ENTREP2: variants seen among roughly 807,000 people sequenced by gnomAD.
The protein encoded by ENTREP2 is protein ENTREP2.
At chr15:29,206,878 C>T in the ENTREP2 span, among the ~76,000 whole-genome samples, 16 of 152,232 alleles carry the variant, frequency 1.1e-4, no homozygotes, top group South Asian at 2.3e-3. Context: ...GGTTTTAATC[C>T]CTTCCGTGTT....
the ENTREP2 span, among the ~76,000 whole-genome samples, chr15:29,215,321 A>G: frequency 5.1e-4 from 78 of 152,216 alleles, 2 homozygotes; most frequent in East Asian, 0.013. Flanking sequence ...CCCACCCTCA[A>G]CCTGGGTGGG....
chr15:29,577,621 T>C, the ENTREP2 span, among the ~76,000 whole-genome samples: 1 of 152,194 alleles, frequency 6.6e-6, no homozygotes, highest in African/African-American at 2.4e-5. Context: ...CCTGAAGTGC[T>C]GGGATTACAG....
the ENTREP2 span, chr15:29,124,850 T>C: frequency 8.6e-7 from 1 of 1,163,450 alleles, no homozygotes; most frequent in Non-Finnish European, 1.2e-6. Flanking sequence ...CTAAGACATT[T>C]TAGATGGCGA....
chr15:29,519,140 TTC>T, the ENTREP2 span, among the ~76,000 whole-genome samples: 30 of 149,326 alleles, frequency 2.0e-4, no homozygotes, highest in Admixed American at 2.7e-4. Context: ...ATACACCTCT[TTC>T]TCTCTCTCTC....
chr15:29,497,614 T>C, the ENTREP2 span, among the ~76,000 whole-genome samples: 4 of 152,322 alleles, frequency 2.6e-5, no homozygotes, highest in Non-Finnish European at 5.9e-5. Context: ...TCCTTTGTAA[T>C]CCTGTGGTAT....
the ENTREP2 span, among the ~76,000 whole-genome samples, chr15:29,258,102 A>G: frequency 1.3e-5 from 2 of 151,832 alleles, no homozygotes; most frequent in Non-Finnish European, 2.9e-5. Context: ...AATCCCAGCT[A>G]CTCAGGAGGC....
the ENTREP2 span, among the ~76,000 whole-genome samples, chr15:29,567,223 C>CG: frequency 4.3e-4 from 66 of 152,256 alleles, no homozygotes; most frequent in Admixed American, 1.8e-3. Flanking sequence ...CACAGACCTC[C>CG]GGCCAGGCCT....
chr15:29,496,179 CTTAA>C, the ENTREP2 span, among the ~76,000 whole-genome samples: 1 of 151,524 alleles, frequency 6.6e-6, no homozygotes, highest in South Asian at 2.1e-4. Context: ...AGACTGATTT[CTTAA>C]TTTCTTTTTC....
the ENTREP2 span, among the ~76,000 whole-genome samples, chr15:29,393,731 G>C: frequency 8.8e-6 from 1 of 113,176 alleles, no homozygotes; most frequent in African/African-American, 2.8e-5. Context: ...ATGAATAGAG[G>C]CTACTTTTAT....
the ENTREP2 span, among the ~76,000 whole-genome samples, chr15:29,564,141 T>C: frequency 2.0e-5 from 3 of 152,178 alleles, no homozygotes. Context: ...TGGACTAGGA[T>C]ACCTTTCCCA....
At chr15:29,233,730 G>T in the ENTREP2 span, 1 of 1,397,238 alleles carries the variant, frequency 7.2e-7, no homozygotes, top group Non-Finnish European at 1.0e-6. Context: ...ATGGATCTGA[G>T]CTGTTTGTTA....
At chr15:29,429,145 GTCTA>G in the ENTREP2 span, among the ~76,000 whole-genome samples, 27 of 149,622 alleles carry the variant, frequency 1.8e-4, 1 homozygote, top group Middle Eastern at 6.9e-3. Context: ...ATCTTGAGAT[GTCTA>G]TCTGTCCATC....
At chr15:29,197,992 A>G in the ENTREP2 span, among the ~76,000 whole-genome samples, 5 of 152,204 alleles carry the variant, frequency 3.3e-5, no homozygotes, top group African/African-American at 1.2e-4. Flanking sequence ...GGCCATACTT[A>G]TAAAACCTCC....
At chr15:29,520,512 T>G in the ENTREP2 span, among the ~76,000 whole-genome samples, 1 of 152,068 alleles carries the variant, frequency 6.6e-6, no homozygotes, top group Non-Finnish European at 1.5e-5. Flanking sequence ...AATGGAATCC[T>G]GAGTCTGGTC....
chr15:29,247,213 G>T, the ENTREP2 span, among the ~76,000 whole-genome samples: 2 of 152,168 alleles, frequency 1.3e-5, no homozygotes, highest in Admixed American at 1.3e-4. Context: ...AAGTTGAAAA[G>T]AATTTGGATA....
the ENTREP2 span, among the ~76,000 whole-genome samples, chr15:29,645,812 G>A: frequency 2.0e-5 from 3 of 152,094 alleles, no homozygotes; most frequent in East Asian, 1.9e-4. Flanking sequence ...CGCCCACTCA[G>A]CCTCCCAAAG....
the ENTREP2 span, among the ~76,000 whole-genome samples, chr15:29,644,194 A>G: frequency 7.9e-5 from 12 of 152,204 alleles, no homozygotes; most frequent in Admixed American, 2.0e-4. Flanking sequence ...AAAAGACCAT[A>G]TGTTCTATGA....
chr15:29,545,362 C>A, the ENTREP2 span, among the ~76,000 whole-genome samples: 1 of 152,072 alleles, frequency 6.6e-6, no homozygotes, highest in Non-Finnish European at 1.5e-5. Flanking sequence ...AGAACATGAG[C>A]ATGGAATATG....
the ENTREP2 span, among the ~76,000 whole-genome samples, chr15:29,634,418 C>T: frequency 1.3e-5 from 2 of 152,286 alleles, no homozygotes; most frequent in East Asian, 3.9e-4. Flanking sequence ...ACCCCCACTC[C>T]TGTTTGGGGC....
Sources: allele counts gnomAD v4.1 joint callset (sites outside exome capture counted in the v4.1 genomes callset), GRCh38; gene constraint gnomAD v4.1.1; transcripts MANE v1.5; gene names NCBI Gene and HGNC (gene_info 2026-07-23, HGNC 2026-07-21).